The following PIK3C2A variants were observed in gnomAD, a reference collection of about 807,000 sequenced individuals.
The protein encoded by PIK3C2A is phosphatidylinositol 4-phosphate 3-kinase C2 domain-containing subunit alpha.
PIK3C2A carries 97 observed loss-of-function variants against 204.5 expected under a neutral mutation model. The ratio of observed to expected loss-of-function variants is 0.47; its 90% CI spans 0.40 to 0.56. The LOEUF is 0.56. PIK3C2A is among the 20% of genes least tolerant of loss of function. The pLI, the probability that PIK3C2A is intolerant of heterozygous loss-of-function variation, is 0.00. For missense variants in PIK3C2A, 1,735 were observed against 1,969.2 expected, an observed-to-expected ratio of 0.88 and a Z score of 2.25; for synonymous variants, 653 against 664.4, an observed-to-expected ratio of 0.98 and a Z score of 0.26.
At chr11:17,179,019 G>A (rs1260830272) in intron 1 of PIK3C2A, among the ~76,000 whole-genome samples, 4 of 151,286 alleles carry the variant, frequency 2.6e-5, no homozygotes, top group South Asian at 2.1e-4. Flanking sequence ...GTGAGCCACC[G>A]CGCCCCCGCT....
At chr11:17,199,554 A>C (rs1852290201) in intron 1 of PIK3C2A, among the ~76,000 whole-genome samples, 1 of 152,248 alleles carries the variant, frequency 6.6e-6, no homozygotes, top group South Asian at 2.1e-4. Context: ...TGAACCTTGA[A>C]AACATTACGC....
At chr11:17,136,332 C>T (rs148754901) in intron 9 of PIK3C2A, 150 bp downstream of exon 9, 1 of 634,288 alleles carries the variant, frequency 1.6e-6, no homozygotes, top group Admixed American at 3.2e-5. Context: ...AACTTCTTAC[C>T]AAGGAATCCC....
chr11:17,205,850 G>A (rs1200574944), intron 1 of PIK3C2A, among the ~76,000 whole-genome samples: 3 of 152,252 alleles, frequency 2.0e-5, no homozygotes, highest in African/African-American at 7.2e-5. Flanking sequence ...GCCAGGTGCA[G>A]TGGCTCAAGT....
At chr11:17,167,344 C>T (rs577547305) in intron 2 of PIK3C2A, among the ~76,000 whole-genome samples, 14 of 152,198 alleles carry the variant, frequency 9.2e-5, no homozygotes, top group African/African-American at 3.1e-4. Flanking sequence ...ACAATTTGGC[C>T]GGGCATGGTG....
intron 21 of PIK3C2A, among the ~76,000 whole-genome samples, chr11:17,111,732 T>C (rs1849006069): frequency 6.6e-6 from 1 of 151,166 alleles, no homozygotes; most frequent in Non-Finnish European, 1.5e-5. Flanking sequence ...AAAAAATTAG[T>C]TGGACGTGGT....
At chr11:17,129,141 A>C (rs530012908) in intron 13 of PIK3C2A, among the ~76,000 whole-genome samples, 159 bp downstream of exon 13, 1 of 152,184 alleles carries the variant, frequency 6.6e-6, no homozygotes, top group African/African-American at 2.4e-5. Context: ...GATTTCCTCT[A>C]ATCTGTGTCT....
intron 31 of PIK3C2A, 23 bp downstream of exon 31, chr11:17,091,524 C>T: frequency 1.2e-6 from 2 of 1,608,426 alleles, no homozygotes; most frequent in Middle Eastern, 1.7e-4. Context: ...CCTCTACAAC[C>T]ATCATTCTTT....
At position 17,097,159 on chromosome 11, in the gene PIK3C2A, G is replaced by T; in HGVS notation, c.4224C>A (p.Ile1408=). The T allele has an allele frequency of 6.2e-7, 1 of 1,610,812 alleles. No homozygotes were observed. The highest frequency in any genetic ancestry group is 8.5e-7 in the Non-Finnish European group (1 of 1,177,054). Residue 1408 remains isoleucine, a synonymous_variant, in exon 27 of 33, where the codon ATC becomes ATA. Transcript: ENST00000691414. Reference sequence around the variant, plus strand: ...AGTATGTTTTAGGTGAAAATGAAAGGATGGGCTCATCATTAGAAGGAAGAC... The same window carrying T: ...AGTATGTTTTAGGTGAAAATGAAAGTATGGGCTCATCATTAGAAGGAAGAC... The part of the protein sequence containing the change: ...FSGLPSNDEP[I]LSFSPKTYSF...
chr11:17,184,932 C>T (rs1218237195), intron 1 of PIK3C2A, among the ~76,000 whole-genome samples: 1 of 151,754 alleles, frequency 6.6e-6, no homozygotes, highest in Non-Finnish European at 1.5e-5. Context: ...CAGAGTGAGA[C>T]TGTCTAAAAA....
At chr11:17,190,950 CAAAG>C (rs1276872419) in intron 1 of PIK3C2A, among the ~76,000 whole-genome samples, 1 of 152,150 alleles carries the variant, frequency 6.6e-6, no homozygotes, top group East Asian at 1.9e-4. Context: ...GAACTTTCCA[CAAAG>C]AAAGACATCA....
intron 1 of PIK3C2A, among the ~76,000 whole-genome samples, chr11:17,197,904 T>A (rs771302585): frequency 4.6e-5 from 7 of 152,056 alleles, no homozygotes; most frequent in Admixed American, 4.6e-4. Flanking sequence ...AAACCCTGAA[T>A]AGTGAATAAT....
intron 1 of PIK3C2A, among the ~76,000 whole-genome samples, chr11:17,191,468 A>G (rs913092393): frequency 6.6e-6 from 1 of 152,234 alleles, no homozygotes; most frequent in African/African-American, 2.4e-5. Flanking sequence ...GCAACAGTCC[A>G]TGCATACTGT....
chr11:17,112,218 G>A (rs1032420459), intron 21 of PIK3C2A, among the ~76,000 whole-genome samples: 1 of 152,108 alleles, frequency 6.6e-6, no homozygotes, highest in East Asian at 1.9e-4. Context: ...CTGGGAGGCC[G>A]AGGTGGGTGG....
At chr11:17,128,971 A>G (rs1445793185) in intron 13 of PIK3C2A, among the ~76,000 whole-genome samples, 1 of 152,254 alleles carries the variant, frequency 6.6e-6, no homozygotes, top group Non-Finnish European at 1.5e-5. Flanking sequence ...TTCTTTGGTT[A>G]ACATCAAGGG....
In PIK3C2A at chr11:17,157,479, A is replaced by G. The variant is rs1218575651; in HGVS notation, c.1066-1850T>C. Among the ~76,000 whole-genome samples, 4 of 151,892 alleles carry G rather than the reference A, an allele frequency of 2.6e-5. No homozygotes were observed. The East Asian group carries it at 5.8e-4, about 22-fold the overall frequency. ...TGTCTCAAAAAAAAAAAAAAAAAAA[A>G]AATTCAAAGAGAAATGTTTTTGCAG... On this transcript the variant is annotated intron_variant, in intron 2 of 32. Coordinates refer to ENST00000691414, the MANE Select transcript of PIK3C2A (RefSeq NM_002645.4).
At chr11:17,151,857 T>TGTAA (rs1337483177) in intron 3 of PIK3C2A, among the ~76,000 whole-genome samples, 9 of 152,194 alleles carry the variant, frequency 5.9e-5, no homozygotes, top group Admixed American at 5.9e-4. Context: ...ATAATACACC[T>TGTAA]TTTCTTTATA....
chr11:17,113,781 C>CA (rs1283891348), intron 20 of PIK3C2A, among the ~76,000 whole-genome samples: 8,126 of 76,550 alleles, frequency 0.11, 353 homozygotes, highest in Non-Finnish European at 0.14. Flanking sequence ...GACTCCATCT[C>CA]AAAAAAAAAA....
At chr11:17,180,248 G>T (rs1348508970) in intron 1 of PIK3C2A, among the ~76,000 whole-genome samples, 1 of 152,130 alleles carries the variant, frequency 6.6e-6, no homozygotes, top group Non-Finnish European at 1.5e-5. Context: ...GGGCGTGGTG[G>T]CACATGTTAC....
chr11:17,114,185 A>C (rs1849098485), intron 20 of PIK3C2A, among the ~76,000 whole-genome samples, 176 bp downstream of exon 20: 1 of 151,996 alleles, frequency 6.6e-6, no homozygotes, highest in Non-Finnish European at 1.5e-5. Flanking sequence ...TTTCCCAGGA[A>C]TGGTGGTTAG....
Sources: allele counts gnomAD v4.1 joint callset (sites outside exome capture counted in the v4.1 genomes callset), GRCh38; gene constraint gnomAD v4.1.1; transcripts MANE v1.5; gene names NCBI Gene and HGNC (gene_info 2026-07-23, HGNC 2026-07-21).